CRYL1: variants seen among roughly 807,000 people sequenced by gnomAD.
CRYL1 encodes the protein crystallin lambda 1.
In CRYL1, 29 loss-of-function variants were observed where a neutral mutation model predicts 36.6. The observed-to-expected ratio is 0.79, with a 90% CI of 0.59 to 1.08. The LOEUF (loss-of-function observed/expected upper bound fraction) is 1.08. CRYL1 is among the 50% of genes least tolerant of loss of function. The pLI is 0.00. For missense variants in CRYL1, 411 were observed against 407.9 expected, an observed-to-expected ratio of 1.01 and a Z score of -0.06; for synonymous variants, 152 against 151.5, an observed-to-expected ratio of 1.00 and a Z score of -0.02.
intron 3 of CRYL1, among the ~76,000 whole-genome samples, chr13:20,456,655 A>AC (rs1299221022): frequency 1.1e-5 from 1 of 88,000 alleles, no homozygotes; most frequent in Non-Finnish European, 2.6e-5. Context: ...ACGATTCTTA[A>AC]AACACACACA....
At chr13:20,492,467 C>T (rs775924982) in intron 2 of CRYL1, among the ~76,000 whole-genome samples, 10 of 152,150 alleles carry the variant, frequency 6.6e-5, no homozygotes, top group Non-Finnish European at 1.2e-4. Context: ...CAGCAGGGAA[C>T]GCACTCTTTC....
At chr13:20,497,747 C>G (rs1593487851) in intron 2 of CRYL1, among the ~76,000 whole-genome samples, 2 of 150,502 alleles carry the variant, frequency 1.3e-5, no homozygotes, top group East Asian at 3.9e-4. Flanking sequence ...CATACAACTA[C>G]ACACACATCT....
At chr13:20,500,177 TTG>T (rs992146091) in intron 2 of CRYL1, among the ~76,000 whole-genome samples, 4 of 152,362 alleles carry the variant, frequency 2.6e-5, no homozygotes, top group Admixed American at 1.3e-4. Context: ...TATGGCTTTT[TTG>T]TTTGAAATAT....
At chr13:20,454,167 A>C (rs562708205) in intron 3 of CRYL1, among the ~76,000 whole-genome samples, 108 of 152,298 alleles carry the variant, frequency 7.1e-4, no homozygotes, top group African/African-American at 2.5e-3. Context: ...TAATATCAAA[A>C]TATTAGACAA....
At chr13:20,475,264 G>T (rs1252947659) in intron 3 of CRYL1, among the ~76,000 whole-genome samples, 2 of 152,186 alleles carry the variant, frequency 1.3e-5, no homozygotes, top group Non-Finnish European at 2.9e-5. Context: ...GGCAGGGGTG[G>T]CAGGCATGCA....
Position 20,495,441 on chromosome 13 carries a change from A to AT in CRYL1, c.150-5946dup, listed in dbSNP as rs372804788. On this transcript the variant is annotated intron_variant, in intron 2 of 7. Transcript: ENST00000298248. ...GTAGGACAGGGTATGGGTGATTTTAATTTTTTTTAATGTTTCTATCTTTGA... is the reference window on the plus strand; with the variant it reads ...GTAGGACAGGGTATGGGTGATTTTAATTTTTTTTTAATGTTTCTATCTTTGA... 7.1e-3 allele frequency among the ~76,000 whole-genome samples: 1,082 copies of AT among 152,152 alleles called. 17 individuals carry two copies. Among genetic ancestry groups the AT allele is most frequent in the African/African-American group, 0.024 (1,011 of 41,506 alleles).
At chr13:20,504,797 A>T (rs2137496877) in intron 2 of CRYL1, among the ~76,000 whole-genome samples, 1 of 152,326 alleles carries the variant, frequency 6.6e-6, no homozygotes, top group African/African-American at 2.4e-5. Flanking sequence ...TTAGTCTCAG[A>T]TGACAGCTTT....
At chr13:20,492,265 C>T (rs2033527113) in intron 2 of CRYL1, among the ~76,000 whole-genome samples, 1 of 152,180 alleles carries the variant, frequency 6.6e-6, no homozygotes, top group Non-Finnish European at 1.5e-5. Flanking sequence ...TGTAAACATA[C>T]TATAAAACCA....
rs1011548657 is a variant in CRYL1 at position 20,488,702 on chromosome 13, C to T, written c.276+668G>A. Among the ~76,000 whole-genome samples the T allele has an allele frequency of 2.6e-5, 4 of 152,214 alleles. No homozygotes were observed. The East Asian group carries it at 7.7e-4, about 29-fold the overall frequency. The stretch of plus-strand genomic sequence containing the variant: ...TAGCTTTAGGTAAATTTGCATAAAC[C>T]TTATAGCAGTAAGTGCAGCCTTTGA... On this transcript the variant is annotated intron_variant, in intron 3 of 7. Coordinates refer to ENST00000298248, the MANE Select transcript of CRYL1 (RefSeq NM_015974.3).
chr13:20,516,569 TC>T (rs199717437), intron 1 of CRYL1, among the ~76,000 whole-genome samples: 1,798 of 151,978 alleles, frequency 0.012, 37 homozygotes, highest in African/African-American at 0.041. Context: ...AAGCTCCGCC[TC>T]CTGGGTTCAC....
At chr13:20,446,421 A>G (rs1226605899) in intron 3 of CRYL1, among the ~76,000 whole-genome samples, 1 of 152,210 alleles carries the variant, frequency 6.6e-6, no homozygotes, top group Non-Finnish European at 1.5e-5. Flanking sequence ...TAAAAATTAT[A>G]TAGTGGACTA....
intron 3 of CRYL1, among the ~76,000 whole-genome samples, chr13:20,486,807 A>G (rs1042478533): frequency 1.3e-5 from 2 of 152,216 alleles, no homozygotes; most frequent in African/African-American, 4.8e-5. Context: ...ACAGAACGCC[A>G]TATACTGCCC....
chr13:20,411,507 A>C (rs2031522561), intron 6 of CRYL1, among the ~76,000 whole-genome samples: 1 of 152,228 alleles, frequency 6.6e-6, no homozygotes, highest in African/African-American at 2.4e-5. Context: ...AAAGAAAAAC[A>C]CAGTGGTTAT....
intron 4 of CRYL1, among the ~76,000 whole-genome samples, chr13:20,436,103 A>G (rs866995619): frequency 1.3e-5 from 2 of 152,302 alleles, no homozygotes; most frequent in East Asian, 1.9e-4. Context: ...ACGTGAGGTG[A>G]GTTCGAAAAG....
intron 1 of CRYL1, among the ~76,000 whole-genome samples, chr13:20,523,052 G>A (rs1039181184): frequency 1.3e-5 from 2 of 151,134 alleles, no homozygotes; most frequent in Non-Finnish European, 2.9e-5. Flanking sequence ...GAGTAGCTGG[G>A]ATTACAGGCA....
intron 2 of CRYL1, among the ~76,000 whole-genome samples, chr13:20,507,350 G>A (rs543253218): frequency 6.6e-6 from 1 of 152,270 alleles, no homozygotes; most frequent in African/African-American, 2.4e-5. Context: ...GATTGTCTAT[G>A]GCTGCTTTTA....
chr13:20,511,281 G>A (rs767387093), intron 2 of CRYL1, among the ~76,000 whole-genome samples: 14 of 151,694 alleles, frequency 9.2e-5, no homozygotes, highest in African/African-American at 3.1e-4. Context: ...CTGTAGAGAC[G>A]GGGTCTCACT....
At chr13:20,507,684 C>T (rs752825125) in intron 2 of CRYL1, among the ~76,000 whole-genome samples, 42 of 151,716 alleles carry the variant, frequency 2.8e-4, no homozygotes, top group South Asian at 8.4e-4. Flanking sequence ...TTTGGGAGGC[C>T]AAGGCAGGCG....
At position 20,432,199 on chromosome 13, in the gene CRYL1, A is replaced by G. The variant is rs780550812; in HGVS notation, c.536T>C (p.Ile179Thr). 1 of 1,614,058 alleles carries G rather than the reference A, an allele frequency of 6.2e-7. No individual in the cohort carries two copies. The highest frequency in any genetic ancestry group is 1.1e-5 in the South Asian group (1 of 91,074). Reference protein sequence around the residue: ...VDRTHALMKKIGQCPMRVQKE... With the variant: ...VDRTHALMKKTGQCPMRVQKE... ...CTGGACTCGCATGGGGCACTGTCCAATCTTCTTCATCAGGGCGTGGGTTCT... is the reference window on the plus strand; with the variant it reads ...CTGGACTCGCATGGGGCACTGTCCAGTCTTCTTCATCAGGGCGTGGGTTCT... Residue 179 changes from isoleucine to threonine, a missense_variant, in exon 5 of 8, where the codon ATT becomes ACT. Coordinates refer to ENST00000298248, the MANE Select transcript of CRYL1 (RefSeq NM_015974.3).
Sources: allele counts gnomAD v4.1 joint callset (sites outside exome capture counted in the v4.1 genomes callset), GRCh38; gene constraint gnomAD v4.1.1; transcripts MANE v1.5; gene names NCBI Gene and HGNC (gene_info 2026-07-23, HGNC 2026-07-21).